Variants in SEMA3E observed in about 807,000 individuals in gnomAD.
SEMA3E encodes the protein semaphorin-3E.
Under a neutral mutation model 93.6 loss-of-function variants are expected in SEMA3E, and 49 were observed. The ratio of observed to expected loss-of-function variants is 0.52; its 90% CI spans 0.42 to 0.66. SEMA3E has a LOEUF of 0.66. Ranked by LOEUF, SEMA3E falls within the 30% of genes least tolerant of loss-of-function variation. The pLI is 0.00. For synonymous variants in SEMA3E, 363 were observed against 330.7 expected, an observed-to-expected ratio of 1.10 and a Z score of -1.06; for missense variants, 906 against 964.8, an observed-to-expected ratio of 0.94 and a Z score of 0.81.
In SEMA3E at chr7:83,365,403, T is replaced by C. The variant is rs1232468176; in HGVS notation, c.*2183A>G. 1 of 152,208 alleles carries C rather than the reference T, an allele frequency of 6.6e-6. No individual in the cohort carries two copies. The allele number at this position is 152,208 out of a possible 1,614,324, so 9.4% of individuals were successfully genotyped here. A position where few individuals can be genotyped will look rare whatever the true frequency, so the allele number is the denominator to read the frequency against. On this transcript the variant is annotated 3_prime_UTR_variant, in exon 17 of 17. Coordinates refer to ENST00000643230, the MANE Select transcript of SEMA3E (RefSeq NM_012431.3). ...GACTTGGGCCCTCAAAGTTTTCTTA[T>C]CAATTTTCTTTCAAATTAGCATTGA... is the stretch of plus-strand genomic sequence containing the variant.
intron 1 of SEMA3E, among the ~76,000 whole-genome samples, chr7:83,574,480 G>A (rs1030119920): frequency 2.0e-5 from 3 of 148,368 alleles, no homozygotes; most frequent in Non-Finnish European, 4.5e-5. Flanking sequence ...AAGAGAGAGA[G>A]AGACTAAGGT....
intron 5 of SEMA3E, among the ~76,000 whole-genome samples, chr7:83,410,730 A>G (rs763005921): frequency 2.0e-5 from 3 of 152,130 alleles, no homozygotes; most frequent in Admixed American, 6.6e-5. Flanking sequence ...GGACTTTGGA[A>G]TCATCAACTC....
chr7:83,371,300 G>C (rs1794745820), intron 16 of SEMA3E, among the ~76,000 whole-genome samples: 4 of 152,140 alleles, frequency 2.6e-5, no homozygotes, highest in Admixed American at 2.0e-4. Flanking sequence ...TCCCCATGTA[G>C]TAATACACAT....
chr7:83,368,572 C>T (rs756943649), intron 16 of SEMA3E, among the ~76,000 whole-genome samples: 10 of 152,116 alleles, frequency 6.6e-5, no homozygotes, highest in Non-Finnish European at 1.5e-4. Flanking sequence ...AAAAATTCAT[C>T]AGTTAATCAG....
intron 1 of SEMA3E, among the ~76,000 whole-genome samples, chr7:83,519,137 A>G (rs1240038225): frequency 6.6e-6 from 1 of 151,508 alleles, no homozygotes; most frequent in African/African-American, 2.4e-5. Context: ...CCACCCCACA[A>G]CAGGCCCCAG....
chr7:83,433,794 T>C (rs932176893), intron 4 of SEMA3E, among the ~76,000 whole-genome samples: 1 of 152,128 alleles, frequency 6.6e-6, no homozygotes, highest in African/African-American at 2.4e-5. Flanking sequence ...AGGTGTTGTA[T>C]CATTTTATTT....
intron 1 of SEMA3E, among the ~76,000 whole-genome samples, chr7:83,517,375 T>G (rs1466673161): frequency 6.6e-6 from 1 of 152,164 alleles, no homozygotes; most frequent in Non-Finnish European, 1.5e-5. Flanking sequence ...CGTTGAAAGC[T>G]TTACCCAAAC....
chr7:83,540,787 C>T (rs2115762048), intron 1 of SEMA3E, among the ~76,000 whole-genome samples: 1 of 152,096 alleles, frequency 6.6e-6, no homozygotes, highest in Non-Finnish European at 1.5e-5. Context: ...AAATCTGAAA[C>T]AATTAAATGT....
intron 1 of SEMA3E, among the ~76,000 whole-genome samples, chr7:83,576,066 A>G (rs2115887292): frequency 6.6e-6 from 1 of 152,360 alleles, no homozygotes; most frequent in Non-Finnish European, 1.5e-5. Flanking sequence ...GTATTGGCAT[A>G]TATACAGAGG....
chr7:83,590,161 C>T (rs1373602320), intron 1 of SEMA3E, among the ~76,000 whole-genome samples: 2 of 152,088 alleles, frequency 1.3e-5, no homozygotes, highest in Non-Finnish European at 2.9e-5. Context: ...ATGTCAAACA[C>T]CTAGAAACAT....
At position 83,624,352 on chromosome 7, in the gene SEMA3E, G is replaced by T. The variant is rs1793626512; in HGVS notation, c.115+24076C>A. The stretch of plus-strand genomic sequence containing the variant: ...TTACACTCCAACCAACAGTGTAAAA[G>T]CATTCCTATTACTCCACATCCTCTC... On this transcript the variant is annotated intron_variant, in intron 1 of 16. Coordinates refer to ENST00000643230, the MANE Select transcript of SEMA3E (RefSeq NM_012431.3). Among the ~76,000 whole-genome samples the T allele has an allele frequency of 2.6e-5, 4 of 152,162 alleles. No homozygotes were observed. In the South Asian group the frequency reaches 8.3e-4, roughly 31 times the overall value.
At chr7:83,584,336 G>C (rs1361493831) in intron 1 of SEMA3E, among the ~76,000 whole-genome samples, 1 of 152,034 alleles carries the variant, frequency 6.6e-6, no homozygotes, top group Non-Finnish European at 1.5e-5. Context: ...TGTGCACTCT[G>C]TCTATTGTCT....
intron 1 of SEMA3E, among the ~76,000 whole-genome samples, chr7:83,530,325 T>A (rs922478334): frequency 1.3e-5 from 2 of 152,164 alleles, no homozygotes; most frequent in Non-Finnish European, 2.9e-5. Context: ...AGAACATAAA[T>A]CAAGTATTCT....
At chr7:83,475,794 T>C (rs1300076633) in intron 2 of SEMA3E, among the ~76,000 whole-genome samples, 1 of 152,188 alleles carries the variant, frequency 6.6e-6, no homozygotes, top group African/African-American at 2.4e-5. Context: ...AAAGATAAGA[T>C]ATTATGTGAT....
chr7:83,379,563 C>A (rs1044340875), intron 16 of SEMA3E, among the ~76,000 whole-genome samples: 1 of 151,736 alleles, frequency 6.6e-6, no homozygotes, highest in Non-Finnish European at 1.5e-5. Flanking sequence ...TCTAACTTTT[C>A]CTTAAATATG....
chr7:83,591,502 C>A (rs1792756664), intron 1 of SEMA3E, among the ~76,000 whole-genome samples: 1 of 151,640 alleles, frequency 6.6e-6, no homozygotes, highest in African/African-American at 2.4e-5. Context: ...ATTTTAGCTA[C>A]AATTTGGTAA....
chr7:83,429,365 T>C (rs1352187428), intron 4 of SEMA3E, among the ~76,000 whole-genome samples: 1 of 152,188 alleles, frequency 6.6e-6, no homozygotes. Context: ...TCACCCTAAG[T>C]GACCTAACTT....
At chr7:83,583,150 G>A (rs1286320384) in intron 1 of SEMA3E, among the ~76,000 whole-genome samples, 1 of 152,114 alleles carries the variant, frequency 6.6e-6, no homozygotes, top group Non-Finnish European at 1.5e-5. Context: ...TAATATTTAT[G>A]TAGGTCTAAC....
intron 16 of SEMA3E, 49 bp downstream of exon 16, chr7:83,385,243 TCA>T: frequency 6.3e-7 from 1 of 1,597,852 alleles, no homozygotes; most frequent in Non-Finnish European, 8.6e-7. Flanking sequence ...TATTTACTGA[TCA>T]CACACTATAT....
Sources: allele counts gnomAD v4.1 joint callset (sites outside exome capture counted in the v4.1 genomes callset), GRCh38; gene constraint gnomAD v4.1.1; transcripts MANE v1.5; gene names NCBI Gene and HGNC (gene_info 2026-07-23, HGNC 2026-07-21).